Variants in AKNA observed in about 807,000 individuals in gnomAD.
AKNA encodes microtubule organization protein AKNA.
In AKNA, 67 loss-of-function variants were observed where a neutral mutation model predicts 138.8. The ratio of observed to expected loss-of-function variants is 0.48; its 90% confidence interval spans 0.40 to 0.59. AKNA has a LOEUF of 0.59. AKNA is among the 20% of genes least tolerant of loss of function. AKNA has a pLI of 0.00. For missense variants in AKNA, 1,813 were observed against 1,880.4 expected, an observed-to-expected ratio of 0.96 and a Z score of 0.66; for synonymous variants, 737 against 754.4, an observed-to-expected ratio of 0.98 and a Z score of 0.38.
chr9:114,345,117 C>T (rs1830595147), intron 18 of AKNA: 1 of 151,910 alleles, frequency 6.6e-6, no homozygotes, highest in South Asian at 2.1e-4. Context: ...CTCACTGTCA[C>T]CCAGGCTGGA....
intron 21 of AKNA, among the ~76,000 whole-genome samples, 187 bp downstream of exon 21, chr9:114,341,346 G>A (rs911374007): frequency 6.6e-6 from 1 of 152,174 alleles, no homozygotes; most frequent in Non-Finnish European, 1.5e-5. Flanking sequence ...GGTTTGTTGA[G>A]TGCCTATATG....
chr9:114,332,303 A>C (rs1331161819), downstream of AKNA, among the ~76,000 whole-genome samples: 1 of 152,164 alleles, frequency 6.6e-6, no homozygotes, highest in African/African-American at 2.4e-5. Context: ...ATACCCGTGC[A>C]GTGGGGAATT....
chr9:114,395,576 G>A (rs1834506431), upstream of AKNA, among the ~76,000 whole-genome samples: 2 of 151,800 alleles, frequency 1.3e-5, no homozygotes, highest in African/African-American at 4.8e-5. Context: ...TCTCATAAAG[G>A]GTTTCTTCCC....
At chr9:114,340,521 C>A (rs889421236) in intron 21 of AKNA, among the ~76,000 whole-genome samples, 1 of 152,216 alleles carries the variant, frequency 6.6e-6, no homozygotes, top group Non-Finnish European at 1.5e-5. Flanking sequence ...CCAAATGGCA[C>A]CACAAACTCC....
chr9:114,346,956 C>T (rs991750529), intron 16 of AKNA, among the ~76,000 whole-genome samples, 172 bp from the exon 17 acceptor site: 2 of 152,226 alleles, frequency 1.3e-5, no homozygotes, highest in Admixed American at 6.5e-5. Context: ...CTCTGCGCCT[C>T]TCTGATCCTC....
chr9:114,387,487 T>G (rs1001645372), intron 1 of AKNA, among the ~76,000 whole-genome samples: 1 of 152,166 alleles, frequency 6.6e-6, no homozygotes, highest in Non-Finnish European at 1.5e-5. Flanking sequence ...CCCGGCGCCG[T>G]CGCTGCCTCC....
chr9:114,377,762 G>C (rs1316510393), intron 2 of AKNA: 5 of 562,332 alleles, frequency 8.9e-6, no homozygotes, highest in African/African-American at 5.6e-5. Context: ...GGTCCCTCCA[G>C]TGTCTCCCAT....
intron 6 of AKNA, among the ~76,000 whole-genome samples, chr9:114,364,837 C>T (rs141352908): frequency 8.1e-4 from 124 of 152,290 alleles, no homozygotes; most frequent in African/African-American, 2.7e-3. Context: ...CAGGAATTTA[C>T]TGACAACAAA....
intron 15 of AKNA, 143 bp downstream of exon 15, chr9:114,350,716 G>A (rs1367849143): frequency 3.4e-6 from 3 of 881,136 alleles, no homozygotes; most frequent in South Asian, 1.9e-5. Flanking sequence ...GGAACTGGGA[G>A]GCAGGACACC....
upstream of AKNA, among the ~76,000 whole-genome samples, chr9:114,391,569 C>T (rs1012641274): frequency 1.3e-5 from 2 of 152,202 alleles, no homozygotes; most frequent in Non-Finnish European, 2.9e-5. Flanking sequence ...TGACTCCTGG[C>T]CAGGTGCAGT....
intron 21 of AKNA, 70 bp from the exon 22 acceptor site, chr9:114,337,376 TG>T (rs1816616934): frequency 1.5e-6 from 2 of 1,359,484 alleles, no homozygotes; most frequent in South Asian, 2.1e-5. Context: ...GCACCGTGTG[TG>T]GGGTCAACCC....
At chr9:114,351,064 A>C (rs748664974) in intron 14 of AKNA, 43 bp from the exon 15 acceptor site, 3 of 1,584,624 alleles carry the variant, frequency 1.9e-6, no homozygotes, top group African/African-American at 1.3e-5. Context: ...TTAAGCAGAG[A>C]GAACTTCCAA....
chr9:114,350,772 G>GTCTCCACCTCCACC, intron 15 of AKNA, 87 bp downstream of exon 15: 2 of 1,435,500 alleles, frequency 1.4e-6, no homozygotes, highest in Non-Finnish European at 1.9e-6. Context: ...AGCTGGGCAG[G>GTCTCCACCTCCACC]TCTCCACCTC....
At chr9:114,367,042 G>A (rs544907546) in intron 6 of AKNA, among the ~76,000 whole-genome samples, 93 of 152,090 alleles carry the variant, frequency 6.1e-4, no homozygotes, top group Non-Finnish European at 1.1e-3. Flanking sequence ...ACCACTTCTG[G>A]AATAAAGCCA....
intron 16 of AKNA, 129 bp from the exon 17 acceptor site, chr9:114,346,913 G>T: frequency 1.4e-6 from 1 of 725,422 alleles, no homozygotes; most frequent in Non-Finnish European, 2.2e-6. Flanking sequence ...AGAAGTCAAA[G>T]CCAGACTCTG....
At chr9:114,388,533 C>T (rs1034704259), upstream of AKNA, among the ~76,000 whole-genome samples, 7 of 152,224 alleles carry the variant, frequency 4.6e-5, no homozygotes, top group African/African-American at 7.2e-5. Context: ...CCGAGGTGGT[C>T]CTGCAGCCAG....
intron 4 of AKNA, among the ~76,000 whole-genome samples, chr9:114,372,810 C>T (rs1455785604): frequency 1.3e-5 from 2 of 152,212 alleles, no homozygotes; most frequent in African/African-American, 2.4e-5. Flanking sequence ...CCCGTCTCTT[C>T]CAACCCTGGA....
rs754118579 is a variant in AKNA at position 114,358,065 on chromosome 9, A to G, written c.2595T>C (p.Pro865=). ...GGTGGGGTGGCACGCCAGGGCCTGG[A>G]GGGGCTGCCTCAGCCTTGCCCAGGC... The part of the protein sequence containing the change: ...MSGLGKAEAA[P]PGPGVPPHPP... The change falls in exon 12 of 22, where the codon CCT becomes CCC. Residue 865 remains proline (P), a synonymous_variant. Transcript: ENST00000374088. 6 of 1,613,350 alleles carry G rather than the reference A, an allele frequency of 3.7e-6. No homozygotes were observed. The highest frequency in any genetic ancestry group is 5.1e-6 in the Non-Finnish European group (6 of 1,179,586).
chr9:114,386,976 T>C (rs771557769), intron 1 of AKNA, among the ~76,000 whole-genome samples: 40 of 151,844 alleles, frequency 2.6e-4, no homozygotes, highest in Admixed American at 5.2e-4. Flanking sequence ...ACCCACACCC[T>C]GACACCTCCC....
Sources: allele counts gnomAD v4.1 joint callset (sites outside exome capture counted in the v4.1 genomes callset), GRCh38; gene constraint gnomAD v4.1.1; transcripts MANE v1.5; gene names NCBI Gene and HGNC (gene_info 2026-07-23, HGNC 2026-07-21).